The following GANC variants were observed in gnomAD, a reference collection of about 807,000 sequenced individuals.
GANC encodes glucosidase alpha, neutral C.
In GANC, 117 loss-of-function variants were observed where a neutral mutation model predicts 124.2. The observed-to-expected ratio is 0.94, with a 90% CI of 0.81 to 1.10. The LOEUF (loss-of-function observed/expected upper bound fraction) is 1.10, where lower values mean the gene tolerates loss of function less well. Ranked by LOEUF, GANC falls within the 50% of genes least tolerant of loss-of-function variation. The pLI, the probability that GANC is intolerant of heterozygous loss-of-function variation, is 0.00. For missense variants in GANC, 1,140 were observed against 1,095.0 expected (o/e 1.04, Z -0.58); for synonymous variants, 377 against 376.8 (o/e 1.00, Z -0.01).
chr15:42,280,202 T>C (rs1298769615), intron 3 of GANC, among the ~76,000 whole-genome samples: 1 of 152,170 alleles, frequency 6.6e-6, no homozygotes, highest in Non-Finnish European at 1.5e-5. Flanking sequence ...CTCCAAAATC[T>C]AGTACTGATT....
At chr15:42,299,487 A>G (rs1039958303) in intron 6 of GANC, among the ~76,000 whole-genome samples, 4 of 152,176 alleles carry the variant, frequency 2.6e-5, no homozygotes, top group African/African-American at 9.7e-5. Flanking sequence ...GGATTTTCAC[A>G]TTGATGTTTA....
chr15:42,332,561 T>C (rs904440088), intron 15 of GANC, among the ~76,000 whole-genome samples: 1 of 152,176 alleles, frequency 6.6e-6, no homozygotes, highest in African/African-American at 2.4e-5. Flanking sequence ...GACTAAACAA[T>C]AGTATGAGAC....
At chr15:42,297,856 CATTCAT>C (rs2051906684) in intron 6 of GANC, among the ~76,000 whole-genome samples, 200 bp downstream of exon 6, 1 of 107,534 alleles carries the variant, frequency 9.3e-6, no homozygotes, top group Non-Finnish European at 2.1e-5. Context: ...TTCATTCATT[CATTCAT>C]AAAAACAGAT....
chr15:42,315,799 G>C (rs1000287071), intron 10 of GANC, among the ~76,000 whole-genome samples: 4 of 152,040 alleles, frequency 2.6e-5, no homozygotes, highest in African/African-American at 9.7e-5. Flanking sequence ...TGAAGGCCTG[G>C]AGAAAAAGAC....
intron 4 of GANC, among the ~76,000 whole-genome samples, chr15:42,291,395 C>T (rs1296052577): frequency 3.9e-5 from 6 of 152,108 alleles, no homozygotes; most frequent in Non-Finnish European, 8.8e-5. Flanking sequence ...ATCAGGAATT[C>T]CTTGGCATGG....
At chr15:42,348,901 G>A (rs2052393389) in intron 21 of GANC, among the ~76,000 whole-genome samples, 3 of 152,128 alleles carry the variant, frequency 2.0e-5, no homozygotes, top group South Asian at 4.2e-4. Flanking sequence ...ACCCATGTGA[G>A]GCCCCAGAAT....
rs2052477146 is a variant in GANC, at chr15:42,353,431, TG to T, written c.*1293del. On this transcript the variant is annotated 3_prime_UTR_variant, in exon 24 of 24. Transcript: ENST00000318010. Reference sequence around the variant, plus strand: ...CCCCCATACCCATTAGCAGTGATTTTGCCCTTCCCCGTAATGCTGTCCCACT... The same window carrying T: ...CCCCCATACCCATTAGCAGTGATTTTCCCTTCCCCGTAATGCTGTCCCACT... 5 of 954,156 alleles carry T rather than the reference TG, an allele frequency of 5.2e-6. No individual in the cohort carries two copies. The highest frequency in any genetic ancestry group is 5.3e-4 in the Middle Eastern group (1 of 1,876). The allele number at this position is 954,156 out of a possible 1,614,324, so 59.1% of individuals were successfully genotyped here. A position where few individuals can be genotyped will look rare whatever the true frequency, so the allele number is the denominator to read the frequency against.
chr15:42,329,711 G>C (rs1205587644), intron 14 of GANC, among the ~76,000 whole-genome samples: 2 of 151,904 alleles, frequency 1.3e-5, no homozygotes, highest in African/African-American at 4.8e-5. Flanking sequence ...GCCTTGATAG[G>C]AGCCATTAAT....
chr15:42,284,762 C>T lies in GANC; in HGVS notation c.202-2929C>T, dbSNP rs562209849. On this transcript the variant is annotated intron_variant, in intron 3 of 23. Coordinates refer to ENST00000318010, the MANE Select transcript of GANC (RefSeq NM_198141.3). Reference sequence around the variant, plus strand: ...GCTCAAGCAATCCTCTTGCCTCAGCCCCACTGAGTAGCTGGGGCTATATGC... The same window carrying T: ...GCTCAAGCAATCCTCTTGCCTCAGCTCCACTGAGTAGCTGGGGCTATATGC... Among the ~76,000 whole-genome samples the T allele has an allele frequency of 5.3e-5, 8 of 152,256 alleles. No homozygotes were observed. In the South Asian group the frequency reaches 1.7e-3, roughly 32 times the overall value.
At chr15:42,280,999 T>C (rs1219525447) in intron 3 of GANC, 2 of 702,434 alleles carry the variant, frequency 2.8e-6, no homozygotes, top group East Asian at 5.4e-5. Context: ...ACACAGGATC[T>C]CAGCACAAGA....
intron 4 of GANC, among the ~76,000 whole-genome samples, 189 bp downstream of exon 4, chr15:42,288,007 A>G (rs186178471): frequency 4.7e-4 from 72 of 152,250 alleles, no homozygotes; most frequent in East Asian, 3.9e-4. Context: ...GGATAAGTCT[A>G]TCCATTTTCC....
intron 16 of GANC, among the ~76,000 whole-genome samples, chr15:42,339,305 A>AAC (rs60116980): frequency 0.059 from 7,021 of 119,126 alleles, 221 homozygotes; most frequent in African/African-American, 0.072. Context: ...ACCCCCCTCC[A>AAC]ACACACACAC....
rs1416873757 is a variant in GANC at position 42,353,631 on chromosome 15, T to C, written c.*1492T>C. 40 of 985,500 alleles carry C rather than the reference T, an allele frequency of 4.1e-5. No individual in the cohort carries two copies. The highest frequency in any genetic ancestry group is 4.6e-5 in the Non-Finnish European group (38 of 829,756). The allele number at this position is 985,500 out of a possible 1,614,324, so 61.0% of individuals were successfully genotyped here. On this transcript the variant is annotated 3_prime_UTR_variant, in exon 24 of 24. Coordinates refer to ENST00000318010, the MANE Select transcript of GANC (RefSeq NM_198141.3). ...CTGTTAGCTGTGATTAGTTAGCTGG[T>C]GGATTTAATTGATTAAAAAATTACG...
intron 18 of GANC, among the ~76,000 whole-genome samples, chr15:42,341,888 C>G (rs560450121): frequency 1.3e-5 from 2 of 152,132 alleles, no homozygotes; most frequent in African/African-American, 4.8e-5. Context: ...TTTTAAGTCT[C>G]CACTCATCAT....
Position 42,345,775 on chromosome 15 carries a change from G to T in GANC, c.2247G>T (p.Lys749Asn), listed in dbSNP as rs761531311. Residue 749 changes from lysine (K) to asparagine (N), a missense_variant, in exon 20 of 24, where the codon AAG becomes AAT. Lys to Asn is a moderately conservative substitution (Grantham distance 94). Coordinates refer to ENST00000318010, the MANE Select transcript of GANC (RefSeq NM_198141.3). ...PGSNEVWYDYKTFAHWEGGCT... is the reference protein window; with the variant it reads ...PGSNEVWYDYNTFAHWEGGCT... Reference sequence around the variant, plus strand: ...CTTTCTAGGTCTGGTATGACTATAAGACATTTGCTCATTGGGAAGGAGGGT... The same window carrying T: ...CTTTCTAGGTCTGGTATGACTATAATACATTTGCTCATTGGGAAGGAGGGT... The T allele has an allele frequency of 3.7e-6, 6 of 1,611,396 alleles. No homozygotes were observed. Among genetic ancestry groups the T allele is most frequent in the South Asian group, 1.1e-5 (1 of 90,980 alleles).
chr15:42,283,680 G>A (rs777715926), intron 3 of GANC: 209 of 702,486 alleles, frequency 3.0e-4, no homozygotes, highest in Non-Finnish European at 4.8e-4. Flanking sequence ...ATATCTCTGA[G>A]CACCTCTGTG....
Position 42,343,154 on chromosome 15 carries a change from G to A in GANC, c.2229G>A (p.Glu743=). 6.2e-7 allele frequency: 1 copy of A among 1,613,408 alleles called. No homozygotes were observed. Among genetic ancestry groups the A allele is most frequent in the South Asian group, 1.1e-5 (1 of 91,056 alleles). ...TVDVFLPGSN[E]VWYDYKTFAH... ...ATGTGTTTCTTCCAGGATCAAATGAGGTAAGAGTAATAACAGCCACATATC... is the reference window on the plus strand; with the variant it reads ...ATGTGTTTCTTCCAGGATCAAATGAAGTAAGAGTAATAACAGCCACATATC... Residue 743 remains glutamate (E), a splice_region_variant and synonymous_variant, in exon 19 of 24, where the codon GAG becomes GAA. Coordinates refer to ENST00000318010, the MANE Select transcript of GANC (RefSeq NM_198141.3).
At position 42,340,645 on chromosome 15, in the gene GANC, A is replaced by G. The variant is rs781694646; in HGVS notation, c.2088-45A>G. ...AAAAATATAAGTGATTGATTGCAATAAGATGTCTATAATGTTAAAACAATA... is the reference window on the plus strand; with the variant it reads ...AAAAATATAAGTGATTGATTGCAATGAGATGTCTATAATGTTAAAACAATA... On this transcript the variant is annotated intron_variant, in intron 17 of 23. Coordinates refer to ENST00000318010, the MANE Select transcript of GANC (RefSeq NM_198141.3). 10 of 1,375,416 alleles carry G rather than the reference A, an allele frequency of 7.3e-6. No homozygotes were observed. The East Asian group carries it at 1.4e-4, about 19-fold the overall frequency. 85.2% of individuals were successfully genotyped at this position (1,375,416 alleles called of 1,614,324 possible).
intron 10 of GANC, among the ~76,000 whole-genome samples, chr15:42,320,101 T>G (rs1445068239): frequency 6.6e-6 from 1 of 152,160 alleles, no homozygotes; most frequent in African/African-American, 2.4e-5. Context: ...GGAAAATCGC[T>G]TGAACCCAGA....
Sources: gnomAD v4.1 joint callset for allele counts (sites outside exome capture counted in the v4.1 genomes callset) on GRCh38, gnomAD v4.1.1 for gene constraint, MANE v1.5 for transcripts, NCBI Gene and HGNC (gene_info 2026-07-23, HGNC 2026-07-21) for gene names.